Variants in HDAC9 observed in about 807,000 individuals in gnomAD.
HDAC9 encodes MEF-2 interacting transcription repressor (MITR) protein.
In HDAC9, 41 loss-of-function variants were observed where a neutral mutation model predicts 139.4. The observed-to-expected ratio is 0.29, with a 90% CI of 0.23 to 0.38. The LOEUF is 0.38. Ranked by LOEUF, HDAC9 falls within the 10% of genes least tolerant of loss-of-function variation. HDAC9 has a pLI of 1.00. For synonymous variants in HDAC9, 517 were observed against 476.2 expected (o/e 1.09, Z -1.12); for missense variants, 1,147 against 1,297.0 (o/e 0.88, Z 1.78).
At chr7:18,619,465 C>A (rs925100234) in intron 6 of HDAC9, among the ~76,000 whole-genome samples, 2 of 152,196 alleles carry the variant, frequency 1.3e-5, no homozygotes, top group Non-Finnish European at 2.9e-5. Flanking sequence ...CATTATATTT[C>A]TGCTAAGCAT....
chr7:18,689,359 G>T (rs558493594), intron 12 of HDAC9, among the ~76,000 whole-genome samples: 1 of 151,990 alleles, frequency 6.6e-6, no homozygotes, highest in African/African-American at 2.4e-5. Flanking sequence ...AACGCCCATT[G>T]GCTTTTCTAG....
intron 24 of HDAC9, among the ~76,000 whole-genome samples, chr7:18,970,188 A>G (rs1380700300): frequency 2.6e-5 from 4 of 152,176 alleles, no homozygotes; most frequent in Non-Finnish European, 5.9e-5. Flanking sequence ...CAAAAAATAC[A>G]TTTTTCATAA....
intron 17 of HDAC9, among the ~76,000 whole-genome samples, chr7:18,807,284 C>T (rs900908989): frequency 2.0e-5 from 3 of 152,078 alleles, no homozygotes; most frequent in Admixed American, 2.0e-4. Flanking sequence ...TCTGTGGTAT[C>T]AGTTGTTAAG....
chr7:18,639,455 T>TTTTTTTG (rs930405423), intron 8 of HDAC9, among the ~76,000 whole-genome samples: 1 of 152,060 alleles, frequency 6.6e-6, no homozygotes. Context: ...ATGATCTTTC[T>TTTTTTTG]TTTTTTGTTT....
At chr7:18,220,086 A>G (rs1792590968) in intron 2 of HDAC9, among the ~76,000 whole-genome samples, 1 of 152,212 alleles carries the variant, frequency 6.6e-6, no homozygotes, top group African/African-American at 2.4e-5. Flanking sequence ...CAACAGGAAT[A>G]ACTATGGAAA....
chr7:18,864,981 G>A (rs1798385115), intron 21 of HDAC9, among the ~76,000 whole-genome samples: 1 of 152,190 alleles, frequency 6.6e-6, no homozygotes, highest in African/African-American at 2.4e-5. Context: ...TGACCGTAGT[G>A]TGTCAGGCAT....
At chr7:18,303,954 C>T (rs534951205) in intron 1 of HDAC9, among the ~76,000 whole-genome samples, 1 of 152,158 alleles carries the variant, frequency 6.6e-6, no homozygotes, top group African/African-American at 2.4e-5. Flanking sequence ...AAGTGTTACA[C>T]AAGAAAGAAA....
rs138779265 is a variant in HDAC9, at chr7:18,763,549, C to T, written c.2164+1272C>T. 4.2e-3 allele frequency among the ~76,000 whole-genome samples: 639 copies of T among 152,204 alleles called. 4 individuals are homozygous for T. The highest frequency in any genetic ancestry group is 0.014 in the African/African-American group (602 of 41,540). ...ATAAATCAATCTAAACATATATGCT[C>T]ATTTTTTCCTTTCTATTTTAGAAAC... On this transcript the variant is annotated intron_variant, in intron 15 of 25. Transcript: ENST00000686413.
rs1429724655 is a variant in HDAC9 at position 18,266,579 on chromosome 7, T to C, written c.25+104230T>C. Among the ~76,000 whole-genome samples, 4 of 152,248 alleles carry C rather than the reference T, an allele frequency of 2.6e-5. No individual in the cohort carries two copies. In the South Asian group the frequency reaches 6.2e-4, roughly 24 times the overall value. Reference sequence around the variant, plus strand: ...TATTAAAAAGATGCATGCCCAACAGTTGACATTCAATAAAATTAATTTTTT... The same window carrying C: ...TATTAAAAAGATGCATGCCCAACAGCTGACATTCAATAAAATTAATTTTTT... On this transcript the variant is annotated intron_variant, in intron 2 of 12. Coordinates refer to the HDAC9 transcript ENST00000417496.
Position 18,128,772 on chromosome 7 carries a change from CT to C in HDAC9, c.-96-33454del, listed in dbSNP as rs1258879206. Among the ~76,000 whole-genome samples the C allele has an allele frequency of 2.6e-5, 4 of 151,674 alleles. No individual in the cohort carries two copies. The East Asian group carries it at 5.8e-4, about 22-fold the overall frequency. On this transcript the variant is annotated intron_variant, in intron 1 of 12. Transcript: ENST00000417496. Reference sequence around the variant, plus strand: ...CTTAATGGGTCTTTGTGCCATGTCTCTTTATTCCTTATGATTAGTACAGCTG... The same window carrying C: ...CTTAATGGGTCTTTGTGCCATGTCTCTTATTCCTTATGATTAGTACAGCTG...
At chr7:18,857,766 G>T (rs1349882174) in intron 21 of HDAC9, among the ~76,000 whole-genome samples, 1 of 151,872 alleles carries the variant, frequency 6.6e-6, no homozygotes, top group African/African-American at 2.4e-5. Context: ...AATGTTCCAG[G>T]AATAAATTAA....
intron 14 of HDAC9, among the ~76,000 whole-genome samples, chr7:18,750,770 G>C (rs1788375549): frequency 6.6e-6 from 1 of 152,168 alleles, no homozygotes; most frequent in Non-Finnish European, 1.5e-5. Context: ...TTTGTGGTAG[G>C]CTGGTCTTAA....
At chr7:18,867,864 A>G (rs1798612087) in intron 21 of HDAC9, among the ~76,000 whole-genome samples, 1 of 151,778 alleles carries the variant, frequency 6.6e-6, no homozygotes, top group Non-Finnish European at 1.5e-5. Context: ...TACTTTACCT[A>G]TTTGCTTCCT....
chr7:18,734,487 T>C (rs1051445700), intron 13 of HDAC9, among the ~76,000 whole-genome samples: 3 of 152,214 alleles, frequency 2.0e-5, no homozygotes, highest in Admixed American at 2.0e-4. Flanking sequence ...GTGGTTGGTT[T>C]TCTGTCCTTG....
intron 2 of HDAC9, among the ~76,000 whole-genome samples, chr7:18,514,541 C>A (rs952104436): frequency 1.1e-4 from 17 of 152,158 alleles, no homozygotes; most frequent in African/African-American, 4.1e-4. Flanking sequence ...TGCAGAAATT[C>A]CAGTTAAATA....
At position 18,916,950 on chromosome 7, in the gene HDAC9, G is replaced by A. The variant is rs371437459; in HGVS notation, c.2804-18859G>A. Among the ~76,000 whole-genome samples, 12 of 151,854 alleles carry A rather than the reference G, an allele frequency of 7.9e-5. No homozygotes were observed. The East Asian group carries it at 1.9e-3, about 25-fold the overall frequency. ...AGAGCATCCCAGAATGTTTATTTCC[G>A]GAACCTAAGAGGCTTTCCTGAGTAT... On this transcript the variant is annotated intron_variant, in intron 22 of 25. Coordinates refer to ENST00000686413, the MANE Select transcript of HDAC9 (RefSeq NM_178425.4).
At chr7:18,365,039 A>C (rs1348054845) in intron 1 of HDAC9, among the ~76,000 whole-genome samples, 2 of 152,150 alleles carry the variant, frequency 1.3e-5, no homozygotes, top group Non-Finnish European at 2.9e-5. Context: ...GAGATGGGGC[A>C]AAGAGTGTTT....
chr7:18,135,075 T>C (rs1785292648), intron 1 of HDAC9, among the ~76,000 whole-genome samples: 1 of 152,154 alleles, frequency 6.6e-6, no homozygotes, highest in African/African-American at 2.4e-5. Flanking sequence ...GTTCATCATA[T>C]GTGACAGACT....
At chr7:18,093,586 A>G (rs1013811620) in intron 1 of HDAC9, among the ~76,000 whole-genome samples, 1 of 152,122 alleles carries the variant, frequency 6.6e-6, no homozygotes, top group African/African-American at 2.4e-5. Flanking sequence ...GTGCATTTTT[A>G]TTTCTACTTA....
Sources: allele counts gnomAD v4.1 joint callset (sites outside exome capture counted in the v4.1 genomes callset), GRCh38; gene constraint gnomAD v4.1.1; transcripts MANE v1.5; gene names NCBI Gene and HGNC (gene_info 2026-07-23, HGNC 2026-07-21).